TNXB: variants seen among roughly 807,000 people sequenced by gnomAD.
TNXB encodes the protein tenascin-X.
TNXB carries 183 observed loss-of-function variants against 340.5 expected under a neutral mutation model. The ratio of observed to expected loss-of-function variants is 0.54; its 90% confidence interval spans 0.48 to 0.61. The LOEUF (loss-of-function observed/expected upper bound fraction) is 0.61. TNXB is among the 20% of genes least tolerant of loss of function. TNXB has a pLI of 0.00. For missense variants in TNXB, 4,613 were observed against 5,446.4 expected (o/e 0.85, Z 4.82); for synonymous variants, 2,121 against 2,314.5 (o/e 0.92, Z 2.40).
At position 32,069,959 on chromosome 6, in the gene TNXB, G is replaced by C; in HGVS notation, c.5279-98C>G. On this transcript the variant is annotated intron_variant, in intron 14 of 43. Transcript: ENST00000644971. The surrounding 1 kb of genome is among the most constrained non-coding windows in gnomAD (Gnocchi z 6.2). The stretch of plus-strand genomic sequence containing the variant: ...GAGAGGTCTGGAGACAGGGCTTTGC[G>C]TGGCTGAGTCCTGCCGGGCTGTGCT... The C allele has an allele frequency of 2.2e-6, 3 of 1,391,670 alleles. No homozygotes were observed. The highest frequency in any genetic ancestry group is 2.9e-6 in the Non-Finnish European group (3 of 1,044,782). The allele number at this position is 1,391,670 out of a possible 1,614,324, so 86.2% of individuals were successfully genotyped here.
Position 32,097,633 on chromosome 6 carries a change from A to C in TNXB, c.403+163T>G, listed in dbSNP as rs1348203010. On this transcript the variant is annotated intron_variant, in intron 2 of 43. Coordinates refer to ENST00000644971, the MANE Select transcript of TNXB (RefSeq NM_001365276.2). The surrounding 1 kb of genome is among the most constrained non-coding windows in gnomAD (Gnocchi z 5.9). ...AGGGCCCTCGCATATGCTTTGGTTG[A>C]CATGTAGCCCAGCTCTGCTCTCCAA... 1.0e-5 allele frequency: 11 copies of C among 1,101,346 alleles called. No homozygotes were observed. The highest frequency in any genetic ancestry group is 1.1e-5 in the Non-Finnish European group (9 of 795,080). The allele number at this position is 1,101,346 out of a possible 1,614,324, so 68.2% of individuals were successfully genotyped here.
In TNXB at chr6:32,067,918, G is replaced by C; in HGVS notation, c.6287C>G (p.Pro2096Arg). Residue 2096 changes from proline to arginine, a missense_variant, in exon 18 of 44, where the codon CCG becomes CGG. By Grantham distance (103) the Pro-to-Arg change is moderately radical. Coordinates refer to ENST00000644971, the MANE Select transcript of TNXB (RefSeq NM_001365276.2). This position sits in a 1 kb window ranked among gnomAD's most constrained non-coding sequence, Gnocchi z 4.2. ...TGTCACTGTTAGCTCCCCCAGGAGC[G>C]GCTCCTCAGCGGGCTCCGGGGCCTC... ...SMEAPEPAEE[P>R]LLGELTVTGS... 2 of 1,612,610 alleles carry C rather than the reference G, an allele frequency of 1.2e-6. No individual in the cohort carries two copies. Among genetic ancestry groups the C allele is most frequent in the East Asian group, 2.2e-5 (1 of 44,872 alleles).
At chr6:32,105,886 A>C (rs1780952864) in intron 1 of TNXB, among the ~76,000 whole-genome samples, 1 of 152,244 alleles carries the variant, frequency 6.6e-6, no homozygotes, top group Admixed American at 6.5e-5. Context: ...CAAACATTTC[A>C]CATCAGTAGA....
intron 21 of TNXB, among the ~76,000 whole-genome samples, chr6:32,059,432 A>G (rs534796587): frequency 4.0e-5 from 6 of 149,826 alleles, no homozygotes; most frequent in South Asian, 2.1e-4. Context: ...AAAAAAAAAA[A>G]AAAAGAAAAA....
Position 32,081,548 on chromosome 6 carries a change from A to C in TNXB, c.3862T>G (p.Phe1288Val), listed in dbSNP as rs1328111155. 4 of 1,605,208 alleles carry C rather than the reference A, an allele frequency of 2.5e-6. No homozygotes were observed. In the East Asian group the frequency reaches 6.7e-5, roughly 27 times the overall value. Residue 1288 changes from phenylalanine (F) to valine (V), a missense_variant, in exon 10 of 44, where the codon TTC (phenylalanine) becomes GTC (valine). Phe to Val is a conservative substitution (Grantham distance 50). Around this residue, in one of 7 missense-constraint regions of TNXB, gnomAD observed 4,327 missense variants for 4,859.4 expected, o/e 0.89. Transcript: ENST00000644971. The surrounding 1 kb of genome is among the most constrained non-coding windows in gnomAD (Gnocchi z 5.1). ...RLSWTVAQGP[F>V]DSFMVQYKDA... Reference sequence around the variant, plus strand: ...TTGTACTGGACCATGAATGAGTCGAAGGGGCCCTGGGCCACTGTCCATGAG... The same window carrying C: ...TTGTACTGGACCATGAATGAGTCGACGGGGCCCTGGGCCACTGTCCATGAG...
chr6:32,056,126 G>T lies in TNXB; in HGVS notation c.8192C>A (p.Pro2731Gln), dbSNP rs440160. ...PSPTELSTEA[P>Q]EPPEEPLLGE... ...CAGGAGCGGCTCCTCAGGGGGCTCCGGGGCCTCAGTGCTGAGTTCCGTGGG... is the reference window on the plus strand; with the variant it reads ...CAGGAGCGGCTCCTCAGGGGGCTCCTGGGCCTCAGTGCTGAGTTCCGTGGG... The change falls in exon 24 of 44, where the codon CCG becomes CAG. Residue 2731 changes from proline to glutamine, a missense_variant. Pro to Gln is a moderately conservative substitution (Grantham distance 76). This residue lies in a region of TNXB where 4,327 missense variants were observed against 4,859.4 expected (regional missense o/e 0.89). Coordinates refer to ENST00000644971, the MANE Select transcript of TNXB (RefSeq NM_001365276.2). 2 of 1,612,478 alleles carry T rather than the reference G, an allele frequency of 1.2e-6. No homozygotes were observed. The highest frequency in any genetic ancestry group is 2.7e-5 in the African/African-American group (2 of 74,864).
rs1003190958 is a variant in TNXB, at chr6:32,082,847, T to G, written c.3446-521A>C. ...TGACCCATGGATGGACTCCCTCGCC[T>G]GCAGCACTGACCCTTCACTCCCCAG... On this transcript the variant is annotated intron_variant, in intron 8 of 43. Coordinates refer to ENST00000644971, the MANE Select transcript of TNXB (RefSeq NM_001365276.2). The surrounding 1 kb of genome is among the most constrained non-coding windows in gnomAD (Gnocchi z 5.0). Among the ~76,000 whole-genome samples the G allele has an allele frequency of 1.3e-5, 2 of 152,186 alleles. 1 individual carries two copies. Among genetic ancestry groups the G allele is most frequent in the East Asian group, 3.8e-4 (2 of 5,198 alleles).
At position 32,043,703 on chromosome 6, in the gene TNXB, G is replaced by A. The variant is rs2395083; in HGVS notation, c.11530+46C>T. 5,745 of 1,613,126 alleles carry A rather than the reference G, an allele frequency of 3.6e-3. 12 individuals carry two copies. Among genetic ancestry groups the A allele is most frequent in the South Asian group, 0.012 (1,061 of 91,040 alleles). On this transcript the variant is annotated intron_variant, in intron 35 of 43. Coordinates refer to ENST00000644971, the MANE Select transcript of TNXB (RefSeq NM_001365276.2). ...TTCTCTCTCAACTCCCACCCATGCC[G>A]TTTTCTTGGCTCCCACCTCTTGCCC...
chr6:32,082,356 GACT>G lies in TNXB; in HGVS notation c.3446-33_3446-31del, dbSNP rs1374555085. On this transcript the variant is annotated intron_variant, in intron 8 of 43. Transcript: ENST00000644971. The surrounding 1 kb of genome is among the most constrained non-coding windows in gnomAD (Gnocchi z 5.0). ...GAAGAGTGGGTAGAGAGAAGGGAGAGACTTAGGTCCAAGGAGAATGGGGAAGCC... is the reference window on the plus strand; with the variant it reads ...GAAGAGTGGGTAGAGAGAAGGGAGAGTAGGTCCAAGGAGAATGGGGAAGCC... 2 of 1,559,356 alleles carry G rather than the reference GACT, an allele frequency of 1.3e-6. No individual in the cohort carries two copies. Among genetic ancestry groups the G allele is most frequent in the Non-Finnish European group, 8.7e-7 (1 of 1,150,326 alleles).
Position 32,064,987 on chromosome 6 carries a change from C to G in TNXB, c.6675G>C (p.Leu2225Phe), listed in dbSNP as rs547332886. 27 of 1,612,632 alleles carry G rather than the reference C, an allele frequency of 1.7e-5. No homozygotes were observed. The Admixed American group carries it at 4.5e-4, about 27-fold the overall frequency. Reference protein sequence around the residue: ...TVPEGQFDHFLVQFKNGDGQP... With the variant: ...TVPEGQFDHFFVQFKNGDGQP... ...GCCCGTCCCCATTCTTAAACTGGAC[C>G]AAGAAATGGTCAAACTGGCCCTCGG... Residue 2225 changes from leucine to phenylalanine, a missense_variant, in exon 19 of 44, where the codon TTG becomes TTC. Physicochemically the swap from Leu to Phe is conservative, Grantham distance 22 (BLOSUM62 0). Transcript: ENST00000644971. The surrounding 1 kb of genome is among the most constrained non-coding windows in gnomAD (Gnocchi z 5.3).
At position 32,072,351 on chromosome 6, in the gene TNXB, C is replaced by A; in HGVS notation, c.4682-53G>T. On this transcript the variant is annotated intron_variant, in intron 12 of 43. Coordinates refer to ENST00000644971, the MANE Select transcript of TNXB (RefSeq NM_001365276.2). This position sits in a 1 kb window ranked among gnomAD's most constrained non-coding sequence, Gnocchi z 4.4. ...GTTGAGATCTCTGAGGGGAGAACCC[C>A]TGGGCTTTGAGGGCCTCAGGGGGGC... 6.7e-7 allele frequency: 1 copy of A among 1,502,010 alleles called. No homozygotes were observed. The highest frequency in any genetic ancestry group is 2.3e-5 in the East Asian group (1 of 43,546). 93.0% of individuals were successfully genotyped at this position (1,502,010 alleles called of 1,614,324 possible). A position where few individuals can be genotyped will look rare whatever the true frequency, so the allele number is the denominator to read the frequency against.
chr6:32,056,819 G>C lies in TNXB; in HGVS notation c.7910C>G (p.Thr2637Arg). The C allele has an allele frequency of 6.2e-7, 1 of 1,613,166 alleles. No homozygotes were observed. Among genetic ancestry groups the C allele is most frequent in the Non-Finnish European group, 8.5e-7 (1 of 1,179,846 alleles). Residue 2637 changes from threonine (T) to arginine (R), a missense_variant, in exon 23 of 44, where the codon ACA becomes AGA. Coordinates refer to ENST00000644971, the MANE Select transcript of TNXB (RefSeq NM_001365276.2). ...IKPRLGELTM[T>R]DATPDSLSLS... ...GCTGAGGGAGTCAGGGGTGGCATCT[G>C]TCATGGTCAGCTCCCCCAGGCGAGG...
Position 32,088,972 on chromosome 6 carries a change from C to T in TNXB, c.2592G>A (p.Gln864=). 11 of 1,610,944 alleles carry T rather than the reference C, an allele frequency of 6.8e-6. No homozygotes were observed. The highest frequency in any genetic ancestry group is 9.3e-6 in the Non-Finnish European group (11 of 1,178,742). Reference sequence around the variant, plus strand: ...ACACCACAAATCGGTCCACCTCAGCCTGGGGACGCAGCCAGCCAAGCTCCA... The same window carrying T: ...ACACCACAAATCGGTCCACCTCAGCTTGGGGACGCAGCCAGCCAAGCTCCA... ...TTLELGWLRP[Q]AEVDRFVVSY... The change falls in exon 6 of 44, where the codon CAG becomes CAA. Residue 864 remains glutamine (Q), a synonymous_variant. Transcript: ENST00000644971.
chr6:32,048,699 A>G (rs558317495), intron 28 of TNXB, 49 bp from the exon 29 acceptor site: 1 of 1,379,364 alleles, frequency 7.2e-7, no homozygotes, highest in East Asian at 2.5e-5. Flanking sequence ...GACCCTGCGC[A>G]AGGGAGGCAG....
In TNXB at chr6:32,084,729, A is replaced by T; in HGVS notation, c.3149-20T>A. The T allele has an allele frequency of 6.5e-7, 1 of 1,534,852 alleles. No homozygotes were observed. Among genetic ancestry groups the T allele is most frequent in the Non-Finnish European group, 8.8e-7 (1 of 1,138,152 alleles). On this transcript the variant is annotated intron_variant, in intron 7 of 43. Transcript: ENST00000644971. This position sits in a 1 kb window ranked among gnomAD's most constrained non-coding sequence, Gnocchi z 5.5. ...CCTTGTCTGGAGTTTGAGAGGCAAA[A>T]GCAAAGCATAGTGGACTCAACCGTT... is the stretch of plus-strand genomic sequence containing the variant.
In TNXB at chr6:32,043,491, T is replaced by C; in HGVS notation, c.11596A>G (p.Lys3866Glu). The C allele has an allele frequency of 1.5e-6, 1 of 670,534 alleles. No homozygotes were observed. The allele number at this position is 670,534 out of a possible 1,614,324, so 41.5% of individuals were successfully genotyped here. A position where few individuals can be genotyped will look rare whatever the true frequency, so the allele number is the denominator to read the frequency against. ...LTEGFAVLHW[K>E]PPQNPVDTYD... ...GTGTCCACAGGATTCTGGGGGGGCT[T>C]CCAGTGCAGCACGGCGAATCCCTCG... is the stretch of plus-strand genomic sequence containing the variant. The change falls in exon 36 of 44, where the codon AAG becomes GAG. Residue 3866 changes from lysine to glutamate, a missense_variant. Transcript: ENST00000644971.
At position 32,070,314 on chromosome 6, in the gene TNXB, AG is replaced by A. The variant is rs1187879316; in HGVS notation, c.5090del (p.Pro1697LeufsTer88). 1 of 1,612,918 alleles carries A rather than the reference AG, an allele frequency of 6.2e-7. No homozygotes were observed. The highest frequency in any genetic ancestry group is 8.5e-7 in the Non-Finnish European group (1 of 1,179,518). On this transcript the variant is annotated frameshift_variant, in exon 14 of 44. Coordinates refer to ENST00000644971, the MANE Select transcript of TNXB (RefSeq NM_001365276.2). LOFTEE classifies it high-confidence loss of function. This position sits in a 1 kb window ranked among gnomAD's most constrained non-coding sequence, Gnocchi z 6.0. ...PDSLRLSWTVPEGQFDSFVVQ... is the reference protein window; with the variant it reads ...PDSLRLSWTVXEGQFDSFVVQ... ...CCACAAAAGAGTCGAACTGGCCCTC[AG>A]GAACCGTCCAGGAGAGGCGCAGTGA...
intron 1 of TNXB, among the ~76,000 whole-genome samples, chr6:32,100,035 A>G (rs564521956): frequency 5.9e-5 from 9 of 152,076 alleles, no homozygotes; most frequent in Admixed American, 2.6e-4. Flanking sequence ...GGACCTAAAT[A>G]AGAAAAGTAA....
rs1411434369 is a variant in TNXB at position 32,080,401 on chromosome 6, A to G, written c.4042+967T>C. ...AATTTTTTGTATTTTTAGTGGAGAC[A>G]CGGTTTCACCGTGTTAGCCAGGATG... On this transcript the variant is annotated intron_variant, in intron 10 of 43. Coordinates refer to ENST00000644971, the MANE Select transcript of TNXB (RefSeq NM_001365276.2). This position sits in a 1 kb window ranked among gnomAD's most constrained non-coding sequence, Gnocchi z 4.3. 1.3e-5 allele frequency among the ~76,000 whole-genome samples: 2 copies of G among 152,074 alleles called. No homozygotes were observed. The highest frequency in any genetic ancestry group is 2.9e-5 in the Non-Finnish European group (2 of 68,000).
Sources: allele counts gnomAD v4.1 joint callset (sites outside exome capture counted in the v4.1 genomes callset), GRCh38; gene constraint gnomAD v4.1.1; regional missense constraint gnomAD v4.1.1; non-coding constraint Gnocchi (gnomAD v3.1); transcripts MANE v1.5; gene names NCBI Gene and HGNC (gene_info 2026-07-23, HGNC 2026-07-21).